SIPA1L1: variants seen among roughly 807,000 people sequenced by gnomAD.
The protein encoded by SIPA1L1 is signal-induced proliferation-associated 1-like protein 1.
In SIPA1L1, 26 loss-of-function variants were observed where a neutral mutation model predicts 162.7. The ratio of observed to expected loss-of-function variants is 0.16; its 90% CI spans 0.12 to 0.22. SIPA1L1 has a LOEUF of 0.22. Among genes scored for constraint, SIPA1L1 ranks in the 10% least tolerant of loss-of-function variants. The probability of loss-of-function intolerance (pLI) is 1.00; values close to 1 mark genes in which losing one functional copy is unlikely to be tolerated. For missense variants in SIPA1L1, 1,874 were observed against 2,241.0 expected (o/e 0.84, Z 3.31); for synonymous variants, 829 against 837.4 (o/e 0.99, Z 0.17).
At chr14:71,453,352 C>T (rs1479075616) in intron 2 of SIPA1L1, among the ~76,000 whole-genome samples, 2 of 152,234 alleles carry the variant, frequency 1.3e-5, no homozygotes, top group Middle Eastern at 3.4e-3. Flanking sequence ...CAGCCTTGAC[C>T]TCCCGGGCTC....
rs1384074595 is a variant in SIPA1L1, at chr14:71,740,868, A to G, written c.*1707A>G. ...AAATGAGAAATATTGCTAACATCCAAGCATTCTGAAGTCTTGCTTATCCTT... is the reference window on the plus strand; with the variant it reads ...AAATGAGAAATATTGCTAACATCCAGGCATTCTGAAGTCTTGCTTATCCTT... On this transcript the variant is annotated 3_prime_UTR_variant, in exon 24 of 24. Transcript: ENST00000381232. The G allele has an allele frequency of 1.6e-4, 25 of 152,206 alleles. No homozygotes were observed. Among genetic ancestry groups the G allele is most frequent in the Admixed American group, 1.6e-3 (24 of 15,280 alleles). The allele number at this position is 152,206 out of a possible 1,614,324, so 9.4% of individuals were successfully genotyped here. A position where few individuals can be genotyped will look rare whatever the true frequency, so the allele number is the denominator to read the frequency against.
chr14:71,599,810 T>A (rs2036517938), intron 5 of SIPA1L1, among the ~76,000 whole-genome samples: 1 of 152,224 alleles, frequency 6.6e-6, no homozygotes, highest in African/African-American at 2.4e-5. Context: ...ATACCCATTC[T>A]AACTGGGATA....
At chr14:71,695,093 G>A (rs888671622) in intron 13 of SIPA1L1, among the ~76,000 whole-genome samples, 1 of 152,152 alleles carries the variant, frequency 6.6e-6, no homozygotes, top group Non-Finnish European at 1.5e-5. Context: ...GACAGGCGGC[G>A]GTGGCTTCCA....
chr14:71,392,594 C>G (rs1487115753), intron 2 of SIPA1L1, among the ~76,000 whole-genome samples: 1 of 152,096 alleles, frequency 6.6e-6, no homozygotes, highest in Non-Finnish European at 1.5e-5. Context: ...GTGGTGCGAT[C>G]TCGGCTCACT....
rs546010986 is a variant in SIPA1L1, at chr14:71,464,844, C to T, written c.-464-47899C>T. Among the ~76,000 whole-genome samples the T allele has an allele frequency of 3.9e-5, 6 of 152,268 alleles. 1 individual carries two copies. Among genetic ancestry groups the T allele is most frequent in the Admixed American group, 2.6e-4 (4 of 15,290 alleles). ...AGTTCTTTTCAAGTGTAGCGCACCCCGTCATGGGTCACACTCTCAACCTCA... is the reference window on the plus strand; with the variant it reads ...AGTTCTTTTCAAGTGTAGCGCACCCTGTCATGGGTCACACTCTCAACCTCA... On this transcript the variant is annotated intron_variant, in intron 2 of 23. Coordinates refer to ENST00000381232, the MANE Select transcript of SIPA1L1 (RefSeq NM_001386936.1).
intron 2 of SIPA1L1, among the ~76,000 whole-genome samples, chr14:71,481,324 C>T (rs1217013812): frequency 1.3e-5 from 2 of 151,980 alleles, no homozygotes. Context: ...ACAAAAAATA[C>T]AAAAATCAGC....
At chr14:71,436,354 C>T (rs1385159363) in intron 2 of SIPA1L1, among the ~76,000 whole-genome samples, 1 of 152,084 alleles carries the variant, frequency 6.6e-6, no homozygotes, top group Non-Finnish European at 1.5e-5. Flanking sequence ...TTAGGCTCTT[C>T]AAGATTATGA....
chr14:71,381,444 A>G (rs944536462), intron 2 of SIPA1L1, among the ~76,000 whole-genome samples: 11 of 152,298 alleles, frequency 7.2e-5, no homozygotes, highest in African/African-American at 2.4e-4. Flanking sequence ...AGGGAAAGAT[A>G]AATTTATAAT....
intron 2 of SIPA1L1, among the ~76,000 whole-genome samples, chr14:71,323,402 A>G (rs1027425088): frequency 6.6e-5 from 10 of 152,176 alleles, no homozygotes; most frequent in Non-Finnish European, 1.3e-4. Context: ...TTTGATGGAA[A>G]GTTTGTCATG....
chr14:71,653,589 T>C (rs998897509), intron 8 of SIPA1L1, among the ~76,000 whole-genome samples: 1 of 152,182 alleles, frequency 6.6e-6, no homozygotes, highest in South Asian at 2.1e-4. Flanking sequence ...CCAGGGGTCA[T>C]AGGGCTCATC....
intron 16 of SIPA1L1, among the ~76,000 whole-genome samples, chr14:71,707,475 C>T (rs1345601765): frequency 2.0e-5 from 3 of 152,146 alleles, no homozygotes; most frequent in Non-Finnish European, 2.9e-5. Context: ...TGCTTGTCAT[C>T]CCCTGGGAGA....
intron 9 of SIPA1L1, among the ~76,000 whole-genome samples, chr14:71,659,708 A>G (rs143926353): frequency 1.4e-3 from 209 of 152,300 alleles, no homozygotes; most frequent in Non-Finnish European, 2.5e-3. Context: ...AGGGTAAAAA[A>G]TTTACTAACA....
chr14:71,625,136 G>A (rs1162732045), intron 7 of SIPA1L1, among the ~76,000 whole-genome samples: 2 of 151,964 alleles, frequency 1.3e-5, no homozygotes, highest in Non-Finnish European at 2.9e-5. Context: ...GCTATTGAAT[G>A]TCATTTTGTG....
chr14:71,551,973 A>G (rs545426055), intron 4 of SIPA1L1, among the ~76,000 whole-genome samples: 2 of 152,220 alleles, frequency 1.3e-5, no homozygotes, highest in Non-Finnish European at 2.9e-5. Context: ...TCTTGATCAT[A>G]TTACTATATT....
At chr14:71,627,306 C>T (rs2040122829) in intron 7 of SIPA1L1, among the ~76,000 whole-genome samples, 1 of 151,822 alleles carries the variant, frequency 6.6e-6, no homozygotes, top group Non-Finnish European at 1.5e-5. Context: ...ACCACCACTC[C>T]TGGCTAATTT....
intron 5 of SIPA1L1, among the ~76,000 whole-genome samples, chr14:71,615,589 G>T (rs2038745087): frequency 1.3e-5 from 2 of 152,336 alleles, no homozygotes; most frequent in Admixed American, 6.5e-5. Flanking sequence ...GCAACTGGGT[G>T]AATGTGGTAG....
At chr14:71,529,288 GT>G in intron 3 of SIPA1L1, 23 bp from the exon 4 acceptor site, 7 of 609,106 alleles carry the variant, frequency 1.1e-5, no homozygotes, top group South Asian at 4.0e-5. Flanking sequence ...ACTTAACCAG[GT>G]TTTTTTTCTA....
At chr14:71,507,221 G>A (rs1411340787) in intron 2 of SIPA1L1, among the ~76,000 whole-genome samples, 2 of 152,160 alleles carry the variant, frequency 1.3e-5, no homozygotes, top group Non-Finnish European at 2.9e-5. Flanking sequence ...TAATATGACA[G>A]CACAACGTAC....
At position 71,672,700 on chromosome 14, in the gene SIPA1L1, T is replaced by C. The variant is rs114690359; in HGVS notation, c.3104+78T>C. 2.5e-4 allele frequency: 363 copies of C among 1,455,964 alleles called. No individual in the cohort carries two copies. In the African/African-American group the frequency reaches 4.7e-3, roughly 19 times the overall value. 90.2% of individuals were successfully genotyped at this position (1,455,964 alleles called of 1,614,324 possible). ...ACCATGTAGAACATCTCTTAGCAGG[T>C]AGTGGAGTAGGGTGTTGTGAAGAAC... On this transcript the variant is annotated intron_variant, in intron 12 of 23. Coordinates refer to ENST00000381232, the MANE Select transcript of SIPA1L1 (RefSeq NM_001386936.1).
Sources: gnomAD v4.1 joint callset for allele counts (sites outside exome capture counted in the v4.1 genomes callset) on GRCh38, gnomAD v4.1.1 for gene constraint, MANE v1.5 for transcripts, NCBI Gene and HGNC (gene_info 2026-07-23, HGNC 2026-07-21) for gene names.